MYL9: variants seen among roughly 807,000 people sequenced by gnomAD.
MYL9 encodes myosin regulatory light polypeptide 9.
In MYL9, 7 loss-of-function variants were observed where a neutral mutation model predicts 12.8. The observed-to-expected ratio is 0.55, with a 90% CI of 0.31 to 1.03. MYL9 has a LOEUF of 1.03. MYL9 is among the 50% of genes least tolerant of loss of function. MYL9 has a pLI of 0.05. For synonymous variants in MYL9, 81 were observed against 87.8 expected (o/e 0.92, Z 0.43); for missense variants, 190 against 242.7 (o/e 0.78, Z 1.44).
At position 36,550,439 on chromosome 20, in the gene MYL9, G is replaced by A. The variant is rs927441574; in HGVS notation, c.*1190G>A. 6.5e-6 allele frequency: 1 copy of A among 152,804 alleles called. No homozygotes were observed. Among genetic ancestry groups the A allele is most frequent in the Non-Finnish European group, 1.5e-5 (1 of 68,516 alleles). 9.5% of individuals were successfully genotyped at this position (152,804 alleles called of 1,614,324 possible). On this transcript the variant is annotated 3_prime_UTR_variant, in exon 4 of 4. Coordinates refer to ENST00000279022, the MANE Select transcript of MYL9 (RefSeq NM_006097.5). ...GGGGCCTAAGAGGGGCAGAAAGAGCGCTGAATGACTGAGCAGAGAGTCCAG... is the reference window on the plus strand; with the variant it reads ...GGGGCCTAAGAGGGGCAGAAAGAGCACTGAATGACTGAGCAGAGAGTCCAG...
Position 36,544,933 on chromosome 20 carries a change from C to A in MYL9, c.49C>A (p.Arg17=), listed in dbSNP as rs768877867. The part of the protein sequence containing the change: ...KAKTTKKRPQ[R]ATSNVFAMFD... ...CAAGACCACCAAGAAGCGGCCACAG[C>A]GGGCCACATCCAATGTCTTCGCAAT... The change falls in exon 2 of 4, where the codon CGG becomes AGG. Residue 17 remains arginine (R), a synonymous_variant. Coordinates refer to ENST00000279022, the MANE Select transcript of MYL9 (RefSeq NM_006097.5). The A allele has an allele frequency of 8.7e-6, 14 of 1,613,602 alleles. No homozygotes were observed. Among genetic ancestry groups the A allele is most frequent in the Non-Finnish European group, 1.2e-5 (14 of 1,179,892 alleles).
At chr20:36,547,886 G>T in intron 2 of MYL9, 146 bp from the exon 3 acceptor site, 1 of 1,029,682 alleles carries the variant, frequency 9.7e-7, no homozygotes, top group Admixed American at 3.1e-5. Flanking sequence ...GGCTGCGCTA[G>T]AGCCATGCTT....
At chr20:36,542,879 G>A (rs564963934) in intron 1 of MYL9, among the ~76,000 whole-genome samples, 20 of 152,294 alleles carry the variant, frequency 1.3e-4, no homozygotes, top group East Asian at 1.2e-3. Flanking sequence ...AGTGCAGACC[G>A]GGTGGCCATG....
chr20:36,545,151 G>T, intron 2 of MYL9, 83 bp downstream of exon 2: 1 of 1,443,690 alleles, frequency 6.9e-7, no homozygotes, highest in Non-Finnish European at 9.5e-7. Flanking sequence ...CCTGTGTAGT[G>T]AGACGCGTGG....
At chr20:36,547,932 C>A in intron 2 of MYL9, 100 bp from the exon 3 acceptor site, 1 of 1,354,982 alleles carries the variant, frequency 7.4e-7, no homozygotes, top group Non-Finnish European at 9.9e-7. Context: ...CCGTCTCACA[C>A]GGAGCGGTGA....
chr20:36,546,581 C>T (rs754683211), intron 2 of MYL9, among the ~76,000 whole-genome samples: 1 of 152,102 alleles, frequency 6.6e-6, no homozygotes, highest in Non-Finnish European at 1.5e-5. Context: ...CTCCCTCCCC[C>T]AGGAGGTCAC....
intron 2 of MYL9, among the ~76,000 whole-genome samples, chr20:36,546,667 T>C (rs1388269969): frequency 6.6e-6 from 1 of 150,766 alleles, no homozygotes; most frequent in Non-Finnish European, 1.5e-5. Flanking sequence ...CAGGCTGGAG[T>C]GGCACCATCT....
chr20:36,549,470 CTCCAA>C lies in MYL9; in HGVS notation c.*222_*226del. On this transcript the variant is annotated 3_prime_UTR_variant, in exon 4 of 4. Coordinates refer to ENST00000279022, the MANE Select transcript of MYL9 (RefSeq NM_006097.5). The stretch of plus-strand genomic sequence containing the variant: ...AGCCCTGGGCTATAGTCTCTGACCC[CTCCAA>C]GGAAAGACCACCTTCTGGGGACATG... The C allele has an allele frequency of 6.0e-6, 3 of 503,148 alleles. No individual in the cohort carries two copies. The highest frequency in any genetic ancestry group is 1.1e-5 in the Non-Finnish European group (3 of 281,218). 31.2% of individuals were successfully genotyped at this position (503,148 alleles called of 1,614,324 possible). A position where few individuals can be genotyped will look rare whatever the true frequency, so the allele number is the denominator to read the frequency against.
At chr20:36,545,090 G>A in intron 2 of MYL9, 22 bp downstream of exon 2, 1 of 1,611,436 alleles carries the variant, frequency 6.2e-7, no homozygotes, top group Non-Finnish European at 8.5e-7. Context: ...CAGGGACAGG[G>A]GTGAGATGGA....
intron 2 of MYL9, 123 bp downstream of exon 2, chr20:36,545,191 C>T (rs2038080453): frequency 1.2e-5 from 14 of 1,166,072 alleles, no homozygotes; most frequent in South Asian, 6.1e-5. Flanking sequence ...TTGCCATTAA[C>T]TTAGTCCATT....
intron 3 of MYL9, among the ~76,000 whole-genome samples, 183 bp from the exon 4 acceptor site, chr20:36,548,894 C>T (rs1292053692): frequency 1.3e-5 from 2 of 152,232 alleles, no homozygotes; most frequent in East Asian, 3.9e-4. Context: ...GATCCGACAC[C>T]CCTTCACGTG....
intron 2 of MYL9, among the ~76,000 whole-genome samples, chr20:36,547,455 G>A (rs2038114261): frequency 6.6e-6 from 1 of 152,170 alleles, no homozygotes; most frequent in African/African-American, 2.4e-5. Flanking sequence ...TCATTGTTAT[G>A]AGCCTTTTGC....
At chr20:36,541,884 CG>C (rs112807575) in intron 1 of MYL9, among the ~76,000 whole-genome samples, 4 of 151,800 alleles carry the variant, frequency 2.6e-5, no homozygotes, top group East Asian at 1.9e-4. Flanking sequence ...CCCAGAGCTC[CG>C]GGGGGGGCTG....
At chr20:36,546,679 G>A (rs1024945800) in intron 2 of MYL9, among the ~76,000 whole-genome samples, 6 of 150,334 alleles carry the variant, frequency 4.0e-5, no homozygotes, top group Non-Finnish European at 5.9e-5. Flanking sequence ...GCACCATCTC[G>A]GCTCACTGCA....
intron 3 of MYL9, 61 bp downstream of exon 3, chr20:36,548,254 G>A: frequency 6.5e-7 from 1 of 1,534,488 alleles, no homozygotes; most frequent in East Asian, 2.3e-5. Flanking sequence ...GGCATTCAGT[G>A]CCTCTGCCCC....
At position 36,549,600 on chromosome 20, in the gene MYL9, G is replaced by A. The variant is rs3211086; in HGVS notation, c.*351G>A. The A allele has an allele frequency of 2.7e-5, 6 of 223,100 alleles. No individual in the cohort carries two copies. The highest frequency in any genetic ancestry group is 5.2e-5 in the Admixed American group (1 of 19,130). 13.8% of individuals were successfully genotyped at this position (223,100 alleles called of 1,614,324 possible). On this transcript the variant is annotated 3_prime_UTR_variant, in exon 4 of 4. Coordinates refer to ENST00000279022, the MANE Select transcript of MYL9 (RefSeq NM_006097.5). ...GGCTCTGTGTGCCCCCCAGGAGGAAGAGGCCCTGAGTCCTGGGATCAGACA... is the reference window on the plus strand; with the variant it reads ...GGCTCTGTGTGCCCCCCAGGAGGAAAAGGCCCTGAGTCCTGGGATCAGACA...
chr20:36,549,458 A>AC lies in MYL9; in HGVS notation c.*209_*210insC. On this transcript the variant is annotated 3_prime_UTR_variant, in exon 4 of 4. Coordinates refer to ENST00000279022, the MANE Select transcript of MYL9 (RefSeq NM_006097.5). Reference sequence around the variant, plus strand: ...CAGTGACCCCAGAGCCCTGGGCTATAGTCTCTGACCCCTCCAAGGAAAGAC... The same window carrying AC: ...CAGTGACCCCAGAGCCCTGGGCTATACGTCTCTGACCCCTCCAAGGAAAGAC... 1.8e-6 allele frequency: 1 copy of AC among 554,932 alleles called. No individual in the cohort carries two copies. The highest frequency in any genetic ancestry group is 3.2e-6 in the Non-Finnish European group (1 of 311,360). 34.4% of individuals were successfully genotyped at this position (554,932 alleles called of 1,614,324 possible).
At chr20:36,545,791 T>G (rs957833006) in intron 2 of MYL9, among the ~76,000 whole-genome samples, 4 of 151,568 alleles carry the variant, frequency 2.6e-5, no homozygotes, top group Non-Finnish European at 5.9e-5. Context: ...TAGCTGGGCG[T>G]GGTGGCGGGC....
chr20:36,542,045 T>C (rs2038043187), intron 1 of MYL9, among the ~76,000 whole-genome samples: 2 of 152,024 alleles, frequency 1.3e-5, no homozygotes, highest in African/African-American at 4.8e-5. Context: ...CTCCCATCCC[T>C]ACACCCTGGG....
Sources: gnomAD v4.1 joint callset for allele counts (sites outside exome capture counted in the v4.1 genomes callset) on GRCh38, gnomAD v4.1.1 for gene constraint, MANE v1.5 for transcripts, NCBI Gene and HGNC (gene_info 2026-07-23, HGNC 2026-07-21) for gene names.